Variants in STK17B observed in about 807,000 individuals in gnomAD.
STK17B encodes serine/threonine-protein kinase 17B.
STK17B carries 21 observed loss-of-function variants against 42.0 expected under a neutral mutation model. That is an observed-to-expected ratio of 0.50 (90% CI 0.35 to 0.72). STK17B has a LOEUF of 0.72. Ranked by LOEUF, STK17B falls within the 30% of genes least tolerant of loss-of-function variation. The pLI is 0.00. For synonymous variants in STK17B, 143 were observed against 148.4 expected, an observed-to-expected ratio of 0.96 and a Z score of 0.26; for missense variants, 349 against 446.0, an observed-to-expected ratio of 0.78 and a Z score of 1.96.
chr2:196,138,106 C>T (rs1455660945), intron 7 of STK17B, among the ~76,000 whole-genome samples: 1 of 152,166 alleles, frequency 6.6e-6, no homozygotes, highest in Non-Finnish European at 1.5e-5. Context: ...ATCGTCTGTG[C>T]TTTTAAGCAT....
At chr2:196,173,934 CT>C (rs1226254474), upstream of STK17B, among the ~76,000 whole-genome samples, 4 of 152,100 alleles carry the variant, frequency 2.6e-5, no homozygotes. Context: ...TGAGTGGCCC[CT>C]GATCCAAGAT....
chr2:196,148,744 C>T (rs1055573678), intron 3 of STK17B, among the ~76,000 whole-genome samples: 17 of 152,118 alleles, frequency 1.1e-4, no homozygotes, highest in African/African-American at 4.1e-4. Context: ...TGATTATTTA[C>T]CAACATTTTA....
chr2:196,174,348 C>T (rs1699979528), upstream of STK17B: 1 of 152,250 alleles, frequency 6.6e-6, no homozygotes, highest in African/African-American at 2.4e-5. Flanking sequence ...AAGTCAGTCA[C>T]CGCATACTGA....
chr2:196,159,357 A>G (rs530135194), intron 2 of STK17B, among the ~76,000 whole-genome samples: 1 of 145,146 alleles, frequency 6.9e-6, no homozygotes, highest in Non-Finnish European at 1.5e-5. Context: ...ATCACCCAGG[A>G]TGGAGTGCAG....
chr2:196,163,136 A>G (rs1699834350), intron 2 of STK17B, 126 bp downstream of exon 2: 1 of 1,176,870 alleles, frequency 8.5e-7, no homozygotes, highest in Non-Finnish European at 1.2e-6. Context: ...GGTAACAGCA[A>G]CAGAGATCAC....
At position 196,145,935 on chromosome 2, in the gene STK17B, A is replaced by T. The variant is rs1400795784; in HGVS notation, c.456T>A (p.Asn152Lys). The T allele has an allele frequency of 5.7e-6, 9 of 1,590,004 alleles. No individual in the cohort carries two copies. The highest frequency in any genetic ancestry group is 7.7e-6 in the Non-Finnish European group (9 of 1,173,726). ...ILEGVYYLHQ[N>K]NIVHLDLKPQ... ...CCTTTAAATCAAGGTGTACAATGTT[A>T]TTCTGATGTAGATAATAAACTCCTT... The change falls in exon 4 of 8, where the codon AAT becomes AAA. Residue 152 changes from asparagine to lysine, a missense_variant. Physicochemically the swap from Asn to Lys is moderately conservative, Grantham distance 94. Transcript: ENST00000263955.
In STK17B at chr2:196,134,863, C is replaced by G. The variant is rs1364199362; in HGVS notation, c.*2584G>C. On this transcript the variant is annotated 3_prime_UTR_variant, in exon 8 of 8. Coordinates refer to ENST00000263955, the MANE Select transcript of STK17B (RefSeq NM_004226.4). Reference sequence around the variant, plus strand: ...CTTTAGAGAAATACATTATGCTTTTCAATCTTGGGAGAAAAAGAGTAAGAA... The same window carrying G: ...CTTTAGAGAAATACATTATGCTTTTGAATCTTGGGAGAAAAAGAGTAAGAA... 6.6e-6 allele frequency: 1 copy of G among 152,164 alleles called. No individual in the cohort carries two copies. Among genetic ancestry groups the G allele is most frequent in the African/African-American group, 2.4e-5 (1 of 41,440 alleles). 9.4% of individuals were successfully genotyped at this position (152,164 alleles called of 1,614,324 possible).
chr2:196,166,162 A>G (rs1699872308), intron 1 of STK17B: 3 of 152,180 alleles, frequency 2.0e-5, no homozygotes, highest in African/African-American at 7.2e-5. Flanking sequence ...ACTGCATCTG[A>G]ACCAATTGTC....
chr2:196,174,543 A>G (rs2105724146), upstream of STK17B: 1 of 152,356 alleles, frequency 6.6e-6, no homozygotes, highest in South Asian at 2.1e-4. Context: ...CTAGAACTGA[A>G]TATACCAGAA....
intron 6 of STK17B, 100 bp downstream of exon 6, chr2:196,141,149 A>G: frequency 1.2e-6 from 1 of 811,514 alleles, no homozygotes; most frequent in South Asian, 1.7e-5. Context: ...AATCTTTTGA[A>G]GAAAGCCTTA....
intron 2 of STK17B, among the ~76,000 whole-genome samples, chr2:196,157,811 A>G (rs1249744800): frequency 6.6e-6 from 1 of 152,226 alleles, no homozygotes; most frequent in Admixed American, 6.5e-5. Context: ...GTAAGTCTAC[A>G]GCGGCCAAAA....
At chr2:196,166,224 T>C (rs185699116) in intron 1 of STK17B, 3 of 152,336 alleles carry the variant, frequency 2.0e-5, no homozygotes, top group East Asian at 1.9e-4. Flanking sequence ...TTGCATATAG[T>C]GGAGCATGAA....
intron 5 of STK17B, among the ~76,000 whole-genome samples, 167 bp from the exon 6 acceptor site, chr2:196,141,464 G>T (rs1286760179): frequency 1.3e-5 from 2 of 152,198 alleles, no homozygotes; most frequent in East Asian, 3.8e-4. Context: ...TTCGAGACCA[G>T]CCTGGCTAAC....
chr2:196,164,864 C>T (rs2105712517), intron 1 of STK17B, among the ~76,000 whole-genome samples: 1 of 152,246 alleles, frequency 6.6e-6, no homozygotes, highest in Non-Finnish European at 1.5e-5. Flanking sequence ...AAATTGTTTT[C>T]TCTACATCTC....
At chr2:196,162,031 G>A (rs1420240317) in intron 2 of STK17B, among the ~76,000 whole-genome samples, 1 of 152,078 alleles carries the variant, frequency 6.6e-6, no homozygotes, top group Non-Finnish European at 1.5e-5. Flanking sequence ...TATGGACTTA[G>A]TAAACCATTT....
intron 7 of STK17B, among the ~76,000 whole-genome samples, chr2:196,139,199 C>T (rs1241493915): frequency 6.6e-6 from 1 of 151,904 alleles, no homozygotes; most frequent in Non-Finnish European, 1.5e-5. Context: ...CTCCTGACCT[C>T]GTGATCCATC....
chr2:196,133,607 A>G lies in STK17B; in HGVS notation c.*3840T>C, dbSNP rs1203832326. 1 of 152,260 alleles carries G rather than the reference A, an allele frequency of 6.6e-6. No homozygotes were observed. The highest frequency in any genetic ancestry group is 1.5e-5 in the Non-Finnish European group (1 of 68,038). The allele number at this position is 152,260 out of a possible 1,614,324, so 9.4% of individuals were successfully genotyped here. A position where few individuals can be genotyped will look rare whatever the true frequency, so the allele number is the denominator to read the frequency against. On this transcript the variant is annotated 3_prime_UTR_variant, in exon 8 of 8. Coordinates refer to ENST00000263955, the MANE Select transcript of STK17B (RefSeq NM_004226.4). ...ATGCCTTTACAGATATGTTTATTAG[A>G]CACAAAGAGGGTTCATAGATGACCT...
chr2:196,152,521 T>C (rs1699679924), intron 3 of STK17B, among the ~76,000 whole-genome samples: 1 of 152,204 alleles, frequency 6.6e-6, no homozygotes, highest in Non-Finnish European at 1.5e-5. Context: ...CTTCTAGGAA[T>C]TTACTCTAAA....
At chr2:196,161,676 G>A (rs1327162521) in intron 2 of STK17B, among the ~76,000 whole-genome samples, 1 of 151,714 alleles carries the variant, frequency 6.6e-6, no homozygotes, top group African/African-American at 2.4e-5. Context: ...ACGCCACCAT[G>A]CCTGGCTAAT....
Sources: gnomAD v4.1 joint callset for allele counts (sites outside exome capture counted in the v4.1 genomes callset) on GRCh38, gnomAD v4.1.1 for gene constraint, MANE v1.5 for transcripts, NCBI Gene and HGNC (gene_info 2026-07-23, HGNC 2026-07-21) for gene names.